ZNF236: variants seen among roughly 807,000 people sequenced by gnomAD.
ZNF236 encodes the protein zinc finger protein 236.
ZNF236 carries 50 observed loss-of-function variants against 191.2 expected under a neutral mutation model. The observed-to-expected ratio is 0.26, with a 90% CI of 0.21 to 0.33. The LOEUF (loss-of-function observed/expected upper bound fraction) is 0.33, where lower values mean the gene tolerates loss of function less well. ZNF236 is among the 10% of genes least tolerant of loss of function. ZNF236 has a pLI of 1.00. For missense variants in ZNF236, 1,754 were observed against 2,374.5 expected (o/e 0.74, Z 5.43); for synonymous variants, 907 against 928.8 (o/e 0.98, Z 0.43).
chr18:76,922,375 T>C (rs1967561745), intron 20 of ZNF236, among the ~76,000 whole-genome samples: 1 of 152,192 alleles, frequency 6.6e-6, no homozygotes, highest in Non-Finnish European at 1.5e-5. Flanking sequence ...GGAAATGATA[T>C]CTCGTCGTTT....
chr18:76,915,791 A>G lies in ZNF236; in HGVS notation c.3206A>G (p.Lys1069Arg). ...EEGFRTTVHC[K>R]KHMKRHQTVP... ...GGTTTCCGAACTACAGTGCATTGTA[A>G]AAAGCACATGAAGAGACACCAAACA... The change falls in exon 19 of 31, where the codon AAA (lysine) becomes AGA (arginine). Residue 1069 changes from lysine (K) to arginine (R), a missense_variant. This residue lies in a region of ZNF236 where 641 missense variants were observed against 869.6 expected (regional missense o/e 0.74). Coordinates refer to ENST00000320610, the MANE Select transcript of ZNF236 (RefSeq NM_001306089.2). 1 of 1,614,184 alleles carries G rather than the reference A, an allele frequency of 6.2e-7. No homozygotes were observed.
intron 10 of ZNF236, among the ~76,000 whole-genome samples, chr18:76,895,798 C>A (rs1048965200): frequency 8.0e-5 from 12 of 150,186 alleles, no homozygotes; most frequent in African/African-American, 2.9e-4. Context: ...GTACCCAGCA[C>A]AGCACTTTGC....
intron 28 of ZNF236, among the ~76,000 whole-genome samples, chr18:76,957,516 T>A (rs777683241): frequency 6.6e-6 from 1 of 152,222 alleles, no homozygotes; most frequent in Non-Finnish European, 1.5e-5. Flanking sequence ...TTTTTCATTT[T>A]TAAATTTCTT....
At chr18:76,936,368 T>C (rs920306762) in intron 25 of ZNF236, 1 of 456,600 alleles carries the variant, frequency 2.2e-6, no homozygotes, top group Non-Finnish European at 4.4e-6. Flanking sequence ...TGGTGCCCAC[T>C]ACAGGACTTT....
intron 1 of ZNF236, among the ~76,000 whole-genome samples, chr18:76,832,690 C>T (rs775450006): frequency 2.6e-5 from 4 of 151,452 alleles, no homozygotes; most frequent in African/African-American, 7.3e-5. Context: ...TTAATTTTTG[C>T]GATCATCTTG....
rs192595093 is a variant in ZNF236, at chr18:76,847,580, G to A, written c.56-1946G>A. Among the ~76,000 whole-genome samples, 609 of 152,096 alleles carry A rather than the reference G, an allele frequency of 4.0e-3. 5 individuals carry two copies. Among genetic ancestry groups the A allele is most frequent in the East Asian group, 0.014 (72 of 5,156 alleles). The stretch of plus-strand genomic sequence containing the variant: ...TCCCAGGTTCACGCCTTTCTCCTGT[G>A]TCAGCCTCCCGAGTAGCTGGGGCTA... On this transcript the variant is annotated intron_variant, in intron 1 of 30. Coordinates refer to ENST00000320610, the MANE Select transcript of ZNF236 (RefSeq NM_001306089.2).
intron 27 of ZNF236, among the ~76,000 whole-genome samples, chr18:76,952,822 C>T (rs182648998): frequency 2.0e-5 from 3 of 152,262 alleles, no homozygotes; most frequent in African/African-American, 7.2e-5. Flanking sequence ...AACAAAAAAA[C>T]AAAACAAAAC....
intron 25 of ZNF236, among the ~76,000 whole-genome samples, chr18:76,935,820 G>A (rs1180197755): frequency 6.6e-6 from 1 of 152,232 alleles, no homozygotes; most frequent in Non-Finnish European, 1.5e-5. Flanking sequence ...CTTAGTGCAT[G>A]CAGACGTCCT....
At chr18:76,856,032 G>A (rs565776863) in intron 3 of ZNF236, among the ~76,000 whole-genome samples, 1 of 152,156 alleles carries the variant, frequency 6.6e-6, no homozygotes, top group South Asian at 2.1e-4. Flanking sequence ...GTGTAAGATT[G>A]CTCATTTCTT....
chr18:76,952,847 AG>A (rs1968440511), intron 27 of ZNF236, among the ~76,000 whole-genome samples: 1 of 152,028 alleles, frequency 6.6e-6, no homozygotes, highest in Admixed American at 6.5e-5. Context: ...ACCCCCAAAC[AG>A]GGGTGTAGTT....
Position 76,947,524 on chromosome 18 carries a change from C to T in ZNF236, c.4786C>T (p.Gln1596Ter). Residue 1596 changes from glutamine to a stop codon, truncating the protein, a stop_gained, in exon 27 of 31, where the codon CAG becomes TAG. Coordinates refer to ENST00000320610, the MANE Select transcript of ZNF236 (RefSeq NM_001306089.2). LOFTEE classifies it high-confidence loss of function. ...AATAGTACTAATCTTTTGCCAGGGT[C>T]AGCAGTTCCCAGCGCTCCTCACGGA... Reference protein sequence around the residue: ...TVTLNITSQGQQFPALLTDPS... With the variant: ...TVTLNITSQG The T allele has an allele frequency of 6.2e-7, 1 of 1,612,844 alleles. No individual in the cohort carries two copies. The highest frequency in any genetic ancestry group is 8.5e-7 in the Non-Finnish European group (1 of 1,179,596).
intron 13 of ZNF236, 118 bp downstream of exon 13, chr18:76,905,533 A>C: frequency 1.2e-6 from 1 of 859,494 alleles, no homozygotes; most frequent in Non-Finnish European, 1.7e-6. Flanking sequence ...AGCTCATACT[A>C]TATGGGCTCA....
intron 1 of ZNF236, among the ~76,000 whole-genome samples, chr18:76,826,163 G>A (rs1975012489): frequency 6.6e-6 from 1 of 151,962 alleles, no homozygotes; most frequent in Admixed American, 6.6e-5. Flanking sequence ...CCAGGCTGGA[G>A]TGCAGTGGCG....
chr18:76,952,713 CAGG>C (rs989341158), intron 27 of ZNF236, among the ~76,000 whole-genome samples: 2 of 152,180 alleles, frequency 1.3e-5, no homozygotes, highest in African/African-American at 4.8e-5. Flanking sequence ...GAGGCTGAGG[CAGG>C]AGGACTGCTT....
chr18:76,956,786 G>A (rs939443118), intron 28 of ZNF236, among the ~76,000 whole-genome samples: 1 of 152,210 alleles, frequency 6.6e-6, no homozygotes, highest in African/African-American at 2.4e-5. Flanking sequence ...TTCCAGCAGG[G>A]TGCTCTGATA....
intron 25 of ZNF236, among the ~76,000 whole-genome samples, chr18:76,929,853 G>C (rs1440921227): frequency 6.6e-6 from 1 of 152,138 alleles, no homozygotes; most frequent in Non-Finnish European, 1.5e-5. Flanking sequence ...AGATTTCATA[G>C]TGTGTTCTTT....
In ZNF236 at chr18:76,972,684, G is replaced by A. The variant is rs1473578494; in HGVS notation, c.*4345G>A. On this transcript the variant is annotated 3_prime_UTR_variant, in exon 31 of 31. Coordinates refer to ENST00000320610, the MANE Select transcript of ZNF236 (RefSeq NM_001306089.2). ...AATTGACAAATTCTCAAGTGACATA[G>A]GGATTTGTTCTTGATTCACCACTAA... is the stretch of plus-strand genomic sequence containing the variant. Among the ~76,000 whole-genome samples, 1 of 152,028 alleles carries A rather than the reference G, an allele frequency of 6.6e-6. No individual in the cohort carries two copies. The highest frequency in any genetic ancestry group is 1.5e-5 in the Non-Finnish European group (1 of 68,006).
intron 6 of ZNF236, among the ~76,000 whole-genome samples, chr18:76,877,478 G>C (rs1299163820): frequency 1.3e-5 from 2 of 151,590 alleles, no homozygotes; most frequent in East Asian, 3.9e-4. Context: ...TTGCACTCCA[G>C]CCTGGGCAAC....
intron 16 of ZNF236, among the ~76,000 whole-genome samples, chr18:76,911,189 C>T (rs1365456759): frequency 2.0e-5 from 3 of 152,060 alleles, no homozygotes; most frequent in South Asian, 2.1e-4. Flanking sequence ...TGAATGCTGA[C>T]GTTAAAAAAT....
Sources: gnomAD v4.1 joint callset for allele counts (sites outside exome capture counted in the v4.1 genomes callset) on GRCh38, gnomAD v4.1.1 for gene constraint, gnomAD v4.1.1 regional missense constraint, MANE v1.5 for transcripts, NCBI Gene and HGNC (gene_info 2026-07-23, HGNC 2026-07-21) for gene names.